LARS2: variants seen among roughly 807,000 people sequenced by gnomAD.
The protein encoded by LARS2 is leucyl-tRNA synthetase 2, mitochondrial.
Under a neutral mutation model 116.6 loss-of-function variants are expected in LARS2, and 81 were observed. The observed-to-expected ratio is 0.69, with a 90% CI of 0.58 to 0.84. LARS2 has a LOEUF of 0.84. Ranked by LOEUF, LARS2 falls within the 40% of genes least tolerant of loss-of-function variation. LARS2 has a pLI of 0.00. For missense variants in LARS2, 968 were observed against 1,114.5 expected (o/e 0.87, Z 1.87); for synonymous variants, 396 against 407.2 (o/e 0.97, Z 0.33).
At chr3:45,432,058 C>G (rs1039539491) in intron 6 of LARS2, among the ~76,000 whole-genome samples, 1 of 152,014 alleles carries the variant, frequency 6.6e-6, no homozygotes, top group African/African-American at 2.4e-5. Flanking sequence ...GAAAAGATTA[C>G]AAAAGACAAA....
intron 15 of LARS2, among the ~76,000 whole-genome samples, chr3:45,510,183 C>G (rs1183380363): frequency 1.3e-5 from 2 of 152,022 alleles, no homozygotes; most frequent in East Asian, 3.9e-4. Flanking sequence ...GAGGCCGAGG[C>G]AGGAGGATTG....
intron 20 of LARS2, chr3:45,538,324 A>G (rs187471336): frequency 1.3e-5 from 2 of 152,274 alleles, no homozygotes; most frequent in East Asian, 1.9e-4. Context: ...TTTGTGTCCA[A>G]GGTCCTTTCA....
At chr3:45,511,770 G>C (rs1198569912) in intron 15 of LARS2, among the ~76,000 whole-genome samples, 15 of 127,940 alleles carry the variant, frequency 1.2e-4, no homozygotes, top group African/African-American at 3.5e-4. Flanking sequence ...TAATGCTGCT[G>C]ATTTTTTTTT....
In LARS2 at chr3:45,548,262, C is replaced by T. The variant is rs1700904049; in HGVS notation, c.*732C>T. The T allele has an allele frequency of 6.6e-6, 1 of 152,410 alleles. No individual in the cohort carries two copies. The highest frequency in any genetic ancestry group is 2.1e-4 in the South Asian group (1 of 4,830). 9.4% of individuals were successfully genotyped at this position (152,410 alleles called of 1,614,324 possible). On this transcript the variant is annotated 3_prime_UTR_variant, in exon 22 of 22. Coordinates refer to ENST00000645846, the MANE Select transcript of LARS2 (RefSeq NM_015340.4). ...GACACACAGGATCCCAGGCAAGGCACCACTTCCTCACATGAATGAGGAGCA... is the reference window on the plus strand; with the variant it reads ...GACACACAGGATCCCAGGCAAGGCATCACTTCCTCACATGAATGAGGAGCA...
At chr3:45,473,023 G>A (rs1237814732) in intron 8 of LARS2, among the ~76,000 whole-genome samples, 1 of 152,176 alleles carries the variant, frequency 6.6e-6, no homozygotes, top group East Asian at 1.9e-4. Context: ...AATTTAATGA[G>A]CATTTGCCCA....
intron 4 of LARS2, among the ~76,000 whole-genome samples, chr3:45,409,975 CAAAAAT>C (rs1559459083): frequency 6.6e-6 from 1 of 152,032 alleles, no homozygotes; most frequent in East Asian, 1.9e-4. Context: ...TATCTGAAAA[CAAAAAT>C]AGAAATGAAT....
In LARS2 at chr3:45,549,331, G is replaced by A. The variant is rs570538889; in HGVS notation, c.*1801G>A. 1 of 152,378 alleles carries A rather than the reference G, an allele frequency of 6.6e-6. No homozygotes were observed. Among genetic ancestry groups the A allele is most frequent in the East Asian group, 1.9e-4 (1 of 5,194 alleles). 9.4% of individuals were successfully genotyped at this position (152,378 alleles called of 1,614,324 possible). On this transcript the variant is annotated 3_prime_UTR_variant, in exon 22 of 22. Transcript: ENST00000645846. ...AAGACAGGGGCCAGAAGTCTAGAGTGCTAGAGCCGACTTGAATGTACTCAG... is the reference window on the plus strand; with the variant it reads ...AAGACAGGGGCCAGAAGTCTAGAGTACTAGAGCCGACTTGAATGTACTCAG...
At chr3:45,489,271 G>A (rs1699870521) in intron 12 of LARS2, among the ~76,000 whole-genome samples, 1 of 152,214 alleles carries the variant, frequency 6.6e-6, no homozygotes, top group South Asian at 2.1e-4. Context: ...AGCACTTAAA[G>A]ATGGTACATC....
chr3:45,477,846 A>T (rs2085529389), intron 10 of LARS2, among the ~76,000 whole-genome samples: 1 of 152,180 alleles, frequency 6.6e-6, no homozygotes, highest in Non-Finnish European at 1.5e-5. Flanking sequence ...TCCTAATACT[A>T]GGTTGGAGAG....
chr3:45,430,086 C>A (rs1450184172), intron 6 of LARS2, among the ~76,000 whole-genome samples: 1 of 132,654 alleles, frequency 7.5e-6, no homozygotes, highest in Non-Finnish European at 1.6e-5. Flanking sequence ...ATCTCGGCTC[C>A]CTGCAAGCTT....
At chr3:45,466,419 CAT>C (rs1472272173) in intron 8 of LARS2, among the ~76,000 whole-genome samples, 1 of 152,188 alleles carries the variant, frequency 6.6e-6, no homozygotes, top group Non-Finnish European at 1.5e-5. Context: ...ATCTGAAAAA[CAT>C]AAAAGCAAAT....
intron 4 of LARS2, among the ~76,000 whole-genome samples, chr3:45,412,200 T>C (rs1330369663): frequency 6.6e-6 from 1 of 152,208 alleles, no homozygotes; most frequent in Non-Finnish European, 1.5e-5. Context: ...CCTTTGGGTA[T>C]ATACCCAGTA....
intron 8 of LARS2, among the ~76,000 whole-genome samples, chr3:45,459,153 A>G (rs755448006): frequency 1.3e-5 from 2 of 152,214 alleles, no homozygotes; most frequent in Non-Finnish European, 2.9e-5. Context: ...ACAGAGGTCA[A>G]AAATCATCCA....
chr3:45,478,842 CAGTGCATTG>C (rs1699655614), intron 10 of LARS2, among the ~76,000 whole-genome samples: 1 of 152,178 alleles, frequency 6.6e-6, no homozygotes, highest in African/African-American at 2.4e-5. Flanking sequence ...AAGGCCAGTA[CAGTGCATTG>C]AGTGTAATAC....
intron 19 of LARS2, among the ~76,000 whole-genome samples, chr3:45,521,876 G>A (rs1312713299): frequency 6.6e-6 from 1 of 152,112 alleles, no homozygotes; most frequent in Non-Finnish European, 1.5e-5. Flanking sequence ...GGGAGGCCGA[G>A]GCAGCAGGAT....
intron 7 of LARS2, among the ~76,000 whole-genome samples, chr3:45,449,096 G>T (rs1458358471): frequency 6.6e-6 from 1 of 152,106 alleles, no homozygotes; most frequent in Non-Finnish European, 1.5e-5. Flanking sequence ...ACGGTAGAAG[G>T]TGAGAGGGCA....
intron 4 of LARS2, among the ~76,000 whole-genome samples, chr3:45,401,634 T>G (rs1361387411): frequency 6.6e-6 from 1 of 152,198 alleles, no homozygotes; most frequent in East Asian, 1.9e-4. Context: ...AAAAAAATTT[T>G]TTTGAGACAG....
intron 13 of LARS2, among the ~76,000 whole-genome samples, 169 bp downstream of exon 13, chr3:45,491,969 G>T (rs1699925750): frequency 1.3e-5 from 2 of 152,208 alleles, no homozygotes; most frequent in Non-Finnish European, 2.9e-5. Context: ...GAAGGGTCTG[G>T]AATCTGTGGC....
chr3:45,469,470 C>T (rs534659897), intron 8 of LARS2, among the ~76,000 whole-genome samples: 51 of 152,030 alleles, frequency 3.4e-4, no homozygotes, highest in South Asian at 6.2e-4. Flanking sequence ...CTCAGCCTCC[C>T]GAGCAGCTGG....
Sources: gnomAD v4.1 joint callset for allele counts (sites outside exome capture counted in the v4.1 genomes callset) on GRCh38, gnomAD v4.1.1 for gene constraint, MANE v1.5 for transcripts, NCBI Gene and HGNC (gene_info 2026-07-23, HGNC 2026-07-21) for gene names.